The following TLN2 variants were observed in gnomAD, a reference collection of about 807,000 sequenced individuals.
TLN2 encodes talin 2, also known as talin-2.
A neutral mutation model predicts 294.7 loss-of-function variants in TLN2; 118 were observed. The ratio of observed to expected loss-of-function variants is 0.40; its 90% CI spans 0.34 to 0.47. The LOEUF (loss-of-function observed/expected upper bound fraction) is 0.47. TLN2 is among the 20% of genes least tolerant of loss of function. The pLI is 0.84. For missense variants in TLN2, 3,083 were observed against 3,282.2 expected (o/e 0.94, Z 1.48); for synonymous variants, 1,431 against 1,304.5 (o/e 1.10, Z -2.09).
intron 1 of TLN2, among the ~76,000 whole-genome samples, chr15:62,415,591 C>A (rs1328889586): frequency 1.3e-5 from 2 of 152,096 alleles, no homozygotes; most frequent in Non-Finnish European, 2.9e-5. Context: ...CCCTGCTTGC[C>A]CCATTCTGGG....
At chr15:62,482,756 G>A (rs995863862) in intron 1 of TLN2, among the ~76,000 whole-genome samples, 1 of 152,036 alleles carries the variant, frequency 6.6e-6, no homozygotes, top group Non-Finnish European at 1.5e-5. Flanking sequence ...TTTCAGATCT[G>A]AGAATTCACA....
At chr15:62,743,342 TCTCAAACC>T (rs2061443041) in intron 32 of TLN2, among the ~76,000 whole-genome samples, 2 of 151,872 alleles carry the variant, frequency 1.3e-5, no homozygotes, top group African/African-American at 4.8e-5. Context: ...GTGTTAACAG[TCTCAAACC>T]CCTTATTATT....
chr15:62,836,756 C>G (rs1366991226), intron 57 of TLN2, among the ~76,000 whole-genome samples: 1 of 152,220 alleles, frequency 6.6e-6, no homozygotes, highest in Non-Finnish European at 1.5e-5. Context: ...AAAAATCACA[C>G]AGCCCCAACA....
intron 1 of TLN2, among the ~76,000 whole-genome samples, chr15:62,402,790 T>A (rs2033125227): frequency 6.6e-6 from 1 of 152,212 alleles, no homozygotes; most frequent in South Asian, 2.1e-4. Context: ...CTTCCTATAC[T>A]AAACTTACTA....
At position 62,762,411 on chromosome 15, in the gene TLN2, A is replaced by G. The variant is rs2062731879; in HGVS notation, c.4919A>G (p.His1640Arg). The change falls in exon 39 of 59, where the codon CAT becomes CGT. Residue 1640 changes from histidine to arginine, a missense_variant. Coordinates refer to ENST00000636159, the MANE Select transcript of TLN2 (RefSeq NM_015059.3). ...TGGTCTGTACTGGCTGGACATTCCC[A>G]TACAGTGTCCGACTCCATCAAGAGT... The part of the protein sequence containing the change: ...PTWSVLAGHS[H>R]TVSDSIKSLI... The G allele has an allele frequency of 6.2e-7, 1 of 1,614,012 alleles. No individual in the cohort carries two copies. Among genetic ancestry groups the G allele is most frequent in the African/African-American group, 1.3e-5 (1 of 74,904 alleles).
At chr15:62,634,357 GTTC>G (rs2050189967) in intron 3 of TLN2, among the ~76,000 whole-genome samples, 1 of 152,102 alleles carries the variant, frequency 6.6e-6, no homozygotes, top group Admixed American at 6.5e-5. Flanking sequence ...GGTCTGTGCA[GTTC>G]TTCTGTTATT....
At chr15:62,769,261 G>A (rs959046985) in intron 41 of TLN2, among the ~76,000 whole-genome samples, 2 of 152,250 alleles carry the variant, frequency 1.3e-5, no homozygotes, top group Non-Finnish European at 2.9e-5. Flanking sequence ...ACCCTTCAGT[G>A]CTCCGTTCCC....
At chr15:62,489,074 T>A (rs2038566060) in intron 1 of TLN2, among the ~76,000 whole-genome samples, 1 of 152,114 alleles carries the variant, frequency 6.6e-6, no homozygotes, top group Admixed American at 6.5e-5. Flanking sequence ...GGCAGGAGAA[T>A]CACTTGAACC....
At chr15:62,766,924 C>A (rs951869710) in intron 41 of TLN2, among the ~76,000 whole-genome samples, 1 of 152,206 alleles carries the variant, frequency 6.6e-6, no homozygotes, top group Non-Finnish European at 1.5e-5. Context: ...CCAGGGGAGC[C>A]GTTCAGCTGG....
chr15:62,825,830 AT>A (rs2068097097), intron 54 of TLN2, among the ~76,000 whole-genome samples: 2 of 4,212 alleles, frequency 4.7e-4, no homozygotes, highest in East Asian at 0.011. Context: ...ATATATTATA[AT>A]ATATAATATA....
Position 62,595,528 on chromosome 15 carries a change from CAGATT to C in TLN2, c.-162+5770_-162+5774del, listed in dbSNP as rs546642845. Among the ~76,000 whole-genome samples the C allele has an allele frequency of 2.8e-3, 420 of 150,512 alleles. 4 individuals are homozygous for C. The highest frequency in any genetic ancestry group is 9.9e-3 in the African/African-American group (407 of 40,948). On this transcript the variant is annotated intron_variant, in intron 2 of 58. Coordinates refer to ENST00000636159, the MANE Select transcript of TLN2 (RefSeq NM_015059.3). Reference sequence around the variant, plus strand: ...AAGTTAATATGGTCATAATGGAAAACAGATTAGAGACTCCTCAAAAAATTAAAAAT... The same window carrying C: ...AAGTTAATATGGTCATAATGGAAAACAGAGACTCCTCAAAAAATTAAAAAT...
At chr15:62,690,151 A>AC (rs1468220183) in intron 12 of TLN2, 4 of 125,552 alleles carry the variant, frequency 3.2e-5, no homozygotes, top group East Asian at 2.5e-4. Flanking sequence ...CAGGGGGCTG[A>AC]CCCCCCCACC....
intron 2 of TLN2, among the ~76,000 whole-genome samples, chr15:62,592,339 G>A (rs1162017544): frequency 2.0e-5 from 3 of 152,036 alleles, no homozygotes; most frequent in Non-Finnish European, 2.9e-5. Flanking sequence ...CTGATTTTCT[G>A]GGAAACCCAA....
intron 16 of TLN2, 92 bp from the exon 17 acceptor site, chr15:62,701,014 C>T: frequency 8.7e-7 from 1 of 1,143,924 alleles, no homozygotes; most frequent in East Asian, 2.3e-5. Flanking sequence ...AGAATGTAGC[C>T]AAAATGCTGG....
At chr15:62,694,220 G>A (rs978490838) in intron 13 of TLN2, 96 bp from the exon 14 acceptor site, 18 of 1,051,618 alleles carry the variant, frequency 1.7e-5, no homozygotes, top group South Asian at 9.4e-5. Flanking sequence ...CAAGTGATCC[G>A]CCCGTCTCAG....
intron 52 of TLN2, among the ~76,000 whole-genome samples, chr15:62,815,305 T>G (rs1377298210): frequency 6.6e-6 from 1 of 151,946 alleles, no homozygotes; most frequent in Non-Finnish European, 1.5e-5. Flanking sequence ...GACCATGGCC[T>G]CTCCATTCTG....
In TLN2 at chr15:62,762,341, C is replaced by A. The variant is rs866187981; in HGVS notation, c.4849C>A (p.Arg1617Ser). Residue 1617 changes from arginine (R) to serine (S), a missense_variant, in exon 39 of 59, where the codon CGC becomes AGC. Coordinates refer to ENST00000636159, the MANE Select transcript of TLN2 (RefSeq NM_015059.3). ...TMLESSSYLI[R>S]TARSLAINPK... is the part of the protein sequence containing the mutation. ...GCTGGAGAGTTCATCGTACCTCATT[C>A]GCACTGCACGCTCTCTGGCCATCAA... The A allele has an allele frequency of 6.2e-7, 1 of 1,614,212 alleles. No homozygotes were observed. The highest frequency in any genetic ancestry group is 2.2e-5 in the East Asian group (1 of 44,878).
chr15:62,732,695 C>G (rs1396583786), intron 28 of TLN2, among the ~76,000 whole-genome samples: 4 of 152,062 alleles, frequency 2.6e-5, no homozygotes, highest in African/African-American at 9.7e-5. Context: ...TGGTAGTGTC[C>G]TACAGTGGAG....
chr15:62,503,972 C>A (rs2039445689), intron 1 of TLN2, among the ~76,000 whole-genome samples: 1 of 149,854 alleles, frequency 6.7e-6, no homozygotes, highest in South Asian at 2.1e-4. Context: ...TTGGGCGCCA[C>A]ATCTGCCTGT....
Sources: gnomAD v4.1 joint callset for allele counts (sites outside exome capture counted in the v4.1 genomes callset) on GRCh38, gnomAD v4.1.1 for gene constraint, MANE v1.5 for transcripts, NCBI Gene and HGNC (gene_info 2026-07-23, HGNC 2026-07-21) for gene names.